Variants in CCDC88C observed in about 807,000 individuals in gnomAD.
CCDC88C encodes coiled-coil and HOOK domain protein 88C, also known as protein Daple.
CCDC88C carries 131 observed loss-of-function variants against 198.8 expected under a neutral mutation model. The observed-to-expected ratio is 0.66, with a 90% CI of 0.57 to 0.76. The LOEUF (loss-of-function observed/expected upper bound fraction) is 0.76. CCDC88C is among the 30% of genes least tolerant of loss of function. CCDC88C has a pLI of 0.00. For missense variants in CCDC88C, 2,553 were observed against 2,631.6 expected (o/e 0.97, Z 0.65); for synonymous variants, 1,166 against 1,114.7 (o/e 1.05, Z -0.92).
intron 3 of CCDC88C, among the ~76,000 whole-genome samples, chr14:91,388,486 A>C (rs1325967020): frequency 1.3e-5 from 2 of 152,188 alleles, no homozygotes; most frequent in African/African-American, 4.8e-5. Flanking sequence ...TCCAGGGCTA[A>C]GGTGTCTGCC....
At chr14:91,318,472 G>A (rs767241112) in intron 13 of CCDC88C, among the ~76,000 whole-genome samples, 2 of 152,136 alleles carry the variant, frequency 1.3e-5, no homozygotes, top group African/African-American at 4.8e-5. Flanking sequence ...GGCATGAGAC[G>A]GGGGTGTCTT....
chr14:91,287,814 G>C (rs147101724), intron 25 of CCDC88C, among the ~76,000 whole-genome samples: 97 of 152,240 alleles, frequency 6.4e-4, no homozygotes, highest in African/African-American at 2.3e-3. Context: ...TGGGTCTTCA[G>C]AAAGTCCTAG....
chr14:91,401,630 T>C (rs964595961), intron 3 of CCDC88C, among the ~76,000 whole-genome samples: 2 of 152,106 alleles, frequency 1.3e-5, no homozygotes, highest in Admixed American at 6.6e-5. Flanking sequence ...CCACCGCACC[T>C]GGCCAGAAAA....
At position 91,273,167 on chromosome 14, in the gene CCDC88C, C is replaced by G; in HGVS notation, c.5545G>C (p.Ala1849Pro). The change falls in exon 30 of 30, where the codon GCA becomes CCA. Residue 1849 changes from alanine (A) to proline (P), a missense_variant. Ala to Pro is a conservative substitution (Grantham distance 27). Coordinates refer to ENST00000389857, the MANE Select transcript of CCDC88C (RefSeq NM_001080414.4). This position sits in a 1 kb window ranked among gnomAD's most constrained non-coding sequence, Gnocchi z 5.6. The stretch of plus-strand genomic sequence containing the variant: ...GCCAGGCTATGGGAGCTGGGGGGTG[C>G]GGGGCTTTGCAGGGTGTGGCTGCCT... ...ETGSHTLQSP[A>P]PPSSHSLARE... The G allele has an allele frequency of 1.3e-6, 2 of 1,579,746 alleles. No homozygotes were observed. The highest frequency in any genetic ancestry group is 1.7e-6 in the Non-Finnish European group (2 of 1,163,160).
rs1893188498 is a variant in CCDC88C, at chr14:91,339,089, T to C, written c.809+189A>G. 1 of 704,182 alleles carries C rather than the reference T, an allele frequency of 1.4e-6. No homozygotes were observed. The highest frequency in any genetic ancestry group is 2.5e-6 in the Non-Finnish European group (1 of 396,712). The allele number at this position is 704,182 out of a possible 1,614,324, so 43.6% of individuals were successfully genotyped here. The stretch of plus-strand genomic sequence containing the variant: ...AGACCGGGAAGAATCCCCGCCCCCA[T>C]CCCTGTGCAGGCCTCAGAAGGGGAG... On this transcript the variant is annotated intron_variant, in intron 8 of 29. Coordinates refer to ENST00000389857, the MANE Select transcript of CCDC88C (RefSeq NM_001080414.4). The surrounding 1 kb of genome is among the most constrained non-coding windows in gnomAD (Gnocchi z 5.8).
Position 91,338,064 on chromosome 14 carries a change from C to T in CCDC88C, c.991G>A (p.Glu331Lys), listed in dbSNP as rs1428061310. Residue 331 changes from glutamate to lysine, a missense_variant, in exon 10 of 30, where the codon GAG becomes AAG. Glu to Lys is a moderately conservative substitution (Grantham distance 56, BLOSUM62 1). This residue lies in a region of CCDC88C where 1,260 missense variants were observed against 1,412.0 expected (regional missense o/e 0.89). Coordinates refer to ENST00000389857, the MANE Select transcript of CCDC88C (RefSeq NM_001080414.4). This position sits in a 1 kb window ranked among gnomAD's most constrained non-coding sequence, Gnocchi z 4.8. The part of the protein sequence containing the change: ...KANRVERLEL[E>K]LTRCKEKLHD... Reference sequence around the variant, plus strand: ...AGCTTCTCCTTGCAGCGGGTCAGCTCCAGCTCCAGCCTCTCCACGCGGTTC... The same window carrying T: ...AGCTTCTCCTTGCAGCGGGTCAGCTTCAGCTCCAGCCTCTCCACGCGGTTC... 6.2e-7 allele frequency: 1 copy of T among 1,613,808 alleles called. No individual in the cohort carries two copies. The highest frequency in any genetic ancestry group is 1.7e-5 in the Admixed American group (1 of 60,034).
At position 91,359,160 on chromosome 14, in the gene CCDC88C, CTTTTTTTTTT is replaced by C. The variant is rs950112450; in HGVS notation, c.340+472_340+481del. ...ATCTGAGCGGTTGGGAGGCTTCATT[CTTTTTTTTTT>C]TTTTTTTTTTTTGAGACACAGTCTT... On this transcript the variant is annotated intron_variant, in intron 4 of 29. Transcript: ENST00000389857. Among the ~76,000 whole-genome samples the C allele has an allele frequency of 7.4e-5, 8 of 108,664 alleles. No individual in the cohort carries two copies. The South Asian group carries it at 2.2e-3, about 30-fold the overall frequency. The allele number at this position is 108,664 out of a possible 152,430, so 71.3% of individuals were successfully genotyped here. A position where few individuals can be genotyped will look rare whatever the true frequency, so the allele number is the denominator to read the frequency against.
Position 91,297,436 on chromosome 14 carries a change from T to C in CCDC88C, c.3835A>G (p.Thr1279Ala). The change falls in exon 22 of 30, where the codon ACC becomes GCC. Residue 1279 changes from threonine (T) to alanine (A), a missense_variant. Around this residue, in one of 2 missense-constraint regions of CCDC88C, gnomAD observed 1,293 missense variants for 1,219.6 expected, o/e 1.06. Coordinates refer to ENST00000389857, the MANE Select transcript of CCDC88C (RefSeq NM_001080414.4). ...TTCAGTGAGGTTTTCAGCTCCTTGGTGTGGGCGTGCAGCTCCTCGTACTCC... is the reference window on the plus strand; with the variant it reads ...TTCAGTGAGGTTTTCAGCTCCTTGGCGTGGGCGTGCAGCTCCTCGTACTCC... ...KGEYEELHAH[T>A]KELKTSLNNA... 1.3e-6 allele frequency: 2 copies of C among 1,599,090 alleles called. No individual in the cohort carries two copies. The highest frequency in any genetic ancestry group is 1.1e-5 in the South Asian group (1 of 88,446).
At chr14:91,356,512 C>CA (rs1485007418) in intron 4 of CCDC88C, among the ~76,000 whole-genome samples, 1 of 152,138 alleles carries the variant, frequency 6.6e-6, no homozygotes, top group Non-Finnish European at 1.5e-5. Context: ...GATTATATAC[C>CA]ACGGGGGCCC....
At chr14:91,320,593 G>A (rs889709408) in intron 13 of CCDC88C, among the ~76,000 whole-genome samples, 6 of 152,230 alleles carry the variant, frequency 3.9e-5, no homozygotes, top group Admixed American at 2.0e-4. Context: ...GTGACAATCC[G>A]GACTTGGATT....
At position 91,289,200 on chromosome 14, in the gene CCDC88C, T is replaced by G; in HGVS notation, c.4346A>C (p.Gln1449Pro). The G allele has an allele frequency of 6.2e-7, 1 of 1,613,966 alleles. No homozygotes were observed. Residue 1449 changes from glutamine to proline, a missense_variant, in exon 25 of 30, where the codon CAG becomes CCG. Gln to Pro is a moderately conservative substitution (Grantham distance 76). Transcript: ENST00000389857. ...SSDPASPAAS[Q>P]PLRSQAENPD... ...GTTCTCGGCCTGTGATCTGAGCGGC[T>G]GAGAGGCCGCCGGCGAGGCGGGGTC...
At position 91,405,515 on chromosome 14, in the gene CCDC88C, C is replaced by T. The variant is rs115686689; in HGVS notation, c.270+3144G>A. Reference sequence around the variant, plus strand: ...TGGAATACCCCTTTACTATAATAACCGGTTATGTTTGTGCTATAATGTTAG... The same window carrying T: ...TGGAATACCCCTTTACTATAATAACTGGTTATGTTTGTGCTATAATGTTAG... On this transcript the variant is annotated intron_variant, in intron 3 of 29. Coordinates refer to ENST00000389857, the MANE Select transcript of CCDC88C (RefSeq NM_001080414.4). 1.0e-2 allele frequency among the ~76,000 whole-genome samples: 1,519 copies of T among 152,182 alleles called. 30 individuals are homozygous for T. Among genetic ancestry groups the T allele is most frequent in the African/African-American group, 0.035 (1,451 of 41,500 alleles).
intron 3 of CCDC88C, chr14:91,380,002 G>A (rs1470352051): frequency 3.0e-6 from 2 of 663,480 alleles, no homozygotes; most frequent in Non-Finnish European, 5.5e-6. Flanking sequence ...AGCCCACCGT[G>A]AGAACCAACT....
chr14:91,307,283 C>A (rs1390932608), intron 17 of CCDC88C, 57 bp from the exon 18 acceptor site: 7 of 1,551,268 alleles, frequency 4.5e-6, no homozygotes, highest in South Asian at 3.3e-5. Flanking sequence ...GGCCTGGAGC[C>A]CCGAGTGAGT....
At chr14:91,399,001 C>T (rs1363167404) in intron 3 of CCDC88C, among the ~76,000 whole-genome samples, 1 of 152,184 alleles carries the variant, frequency 6.6e-6, no homozygotes. Flanking sequence ...CTGGTGCCCT[C>T]TCTCCTCAGG....
chr14:91,345,190 A>ATATATATATTTTT (rs1246878587), intron 4 of CCDC88C, among the ~76,000 whole-genome samples: 7 of 52,202 alleles, frequency 1.3e-4, no homozygotes, highest in East Asian at 5.6e-4. Flanking sequence ...ATATATATAT[A>ATATATATATTTTT]TTTTTTTTTT....
chr14:91,339,953 C>T lies in CCDC88C; in HGVS notation c.555G>A (p.Leu185=). 6.2e-7 allele frequency: 1 copy of T among 1,600,754 alleles called. No homozygotes were observed. Among genetic ancestry groups the T allele is most frequent in the South Asian group, 1.1e-5 (1 of 88,180 alleles). The change falls in exon 7 of 30, where the codon CTG becomes CTA. Residue 185 remains leucine, a synonymous_variant. Coordinates refer to ENST00000389857, the MANE Select transcript of CCDC88C (RefSeq NM_001080414.4). The surrounding 1 kb of genome is among the most constrained non-coding windows in gnomAD (Gnocchi z 5.8). ...GCACCATGCTCCTCGACAGGGCCTC[C>T]AGCTCCTCCGGAGCCACGTCGGGCA... The part of the protein sequence containing the change: ...LELPDVAPEE[L]EALSRSMVLH...
chr14:91,391,241 T>C (rs77149817), intron 3 of CCDC88C, among the ~76,000 whole-genome samples: 1 of 143,520 alleles, frequency 7.0e-6, no homozygotes, highest in African/African-American at 2.6e-5. Context: ...CTCTTCCTGC[T>C]AAAAACAAAA....
At chr14:91,322,378 GC>G (rs1007193819) in intron 12 of CCDC88C, among the ~76,000 whole-genome samples, 2 of 152,134 alleles carry the variant, frequency 1.3e-5, no homozygotes, top group African/African-American at 4.8e-5. Flanking sequence ...CACCCAACAG[GC>G]CAGAACGCCC....
Sources: allele counts gnomAD v4.1 joint callset (sites outside exome capture counted in the v4.1 genomes callset), GRCh38; gene constraint gnomAD v4.1.1; regional missense constraint gnomAD v4.1.1; non-coding constraint Gnocchi (gnomAD v3.1); transcripts MANE v1.5; gene names NCBI Gene and HGNC (gene_info 2026-07-23, HGNC 2026-07-21).